The following ZBTB20 variants were observed in gnomAD, a reference collection of about 807,000 sequenced individuals.
The protein encoded by ZBTB20 is zinc finger and BTB domain-containing protein 20.
A neutral mutation model predicts 56.9 loss-of-function variants in ZBTB20; 9 were observed. The observed-to-expected ratio is 0.16, with a 90% confidence interval of 0.10 to 0.28. The LOEUF is 0.28. ZBTB20 is among the 10% of genes least tolerant of loss of function. ZBTB20 has a pLI of 1.00. For synonymous variants in ZBTB20, 417 were observed against 420.7 expected, an observed-to-expected ratio of 0.99 and a Z score of 0.11; for missense variants, 655 against 1,003.0, an observed-to-expected ratio of 0.65 and a Z score of 4.69.
chr3:114,389,630 C>T (rs1375122280), intron 7 of ZBTB20, among the ~76,000 whole-genome samples: 1 of 151,954 alleles, frequency 6.6e-6, no homozygotes, highest in African/African-American at 2.4e-5. Context: ...TGGCTCACAC[C>T]TGTAATCCCA....
intron 6 of ZBTB20, among the ~76,000 whole-genome samples, chr3:114,555,880 C>T (rs1317520843): frequency 6.6e-6 from 1 of 152,106 alleles, no homozygotes; most frequent in Non-Finnish European, 1.5e-5. Context: ...TTGTCCCAAA[C>T]ATGTGAGTAC....
At chr3:114,378,156 A>T (rs1234929960) in intron 10 of ZBTB20, among the ~76,000 whole-genome samples, 1 of 152,198 alleles carries the variant, frequency 6.6e-6, no homozygotes, top group African/African-American at 2.4e-5. Context: ...AACAGCTTAA[A>T]ATAAACCTTT....
intron 6 of ZBTB20, among the ~76,000 whole-genome samples, chr3:114,542,203 T>C (rs1416964827): frequency 6.6e-6 from 1 of 152,094 alleles, no homozygotes; most frequent in Non-Finnish European, 1.5e-5. Flanking sequence ...TGAAGGCAGG[T>C]GAGTTAAATG....
rs200761427 is a variant in ZBTB20 at position 114,351,839 on chromosome 3, C to T, written c.239G>A (p.Ser80Asn). Residue 80 changes from serine to asparagine, a missense_variant, in exon 11 of 12, where the codon AGC (serine) becomes AAC (asparagine). This residue lies in a region of ZBTB20 where 57 missense variants were observed against 99.1 expected (regional missense o/e 0.58). Coordinates refer to ENST00000675478, the MANE Select transcript of ZBTB20 (RefSeq NM_001348800.3). ...SCKGMTERIHSINLHNFSNSV... is the reference protein window; with the variant it reads ...SCKGMTERIHNINLHNFSNSV... ...ATTGCTGAAGTTGTGAAGGTTGATGCTGTGAATGCGCTCGGTCATCCCCTT... is the reference window on the plus strand; with the variant it reads ...ATTGCTGAAGTTGTGAAGGTTGATGTTGTGAATGCGCTCGGTCATCCCCTT... 20 of 1,601,994 alleles carry T rather than the reference C, an allele frequency of 1.2e-5. No individual in the cohort carries two copies. In the African/African-American group the frequency reaches 2.4e-4, roughly 19 times the overall value.
chr3:114,804,749 C>T (rs961266021), intron 4 of ZBTB20, among the ~76,000 whole-genome samples: 7 of 151,838 alleles, frequency 4.6e-5, no homozygotes, highest in Admixed American at 6.6e-5. Context: ...CTTTCACCTA[C>T]TTTTTCTTCC....
chr3:114,367,138 C>G (rs2030439), intron 10 of ZBTB20: 2 of 152,158 alleles, frequency 1.3e-5, no homozygotes, highest in Non-Finnish European at 2.9e-5. Flanking sequence ...GAAGGAGCTA[C>G]GGTGAAAGGG....
chr3:115,133,318 TC>T (rs1560597563), intron 1 of ZBTB20, among the ~76,000 whole-genome samples: 1 of 152,234 alleles, frequency 6.6e-6, no homozygotes, highest in African/African-American at 2.4e-5. Context: ...TCCAGTTTTT[TC>T]TTCTTTTTCA....
chr3:114,734,114 C>G (rs1007890322), intron 5 of ZBTB20, among the ~76,000 whole-genome samples: 3 of 151,866 alleles, frequency 2.0e-5, no homozygotes, highest in Non-Finnish European at 2.9e-5. Flanking sequence ...TCAAACTATG[C>G]TTCATGGTCC....
At chr3:114,840,741 C>CA (rs748830565) in intron 4 of ZBTB20, among the ~76,000 whole-genome samples, 54 of 151,012 alleles carry the variant, frequency 3.6e-4, no homozygotes, top group African/African-American at 9.7e-4. Flanking sequence ...TTAAAACAGA[C>CA]AAAAAAAAGT....
intron 5 of ZBTB20, among the ~76,000 whole-genome samples, chr3:114,745,298 GT>G (rs1204574862): frequency 3.9e-5 from 6 of 152,084 alleles, no homozygotes; most frequent in African/African-American, 1.2e-4. Flanking sequence ...CAATTTTCTT[GT>G]TGTTATTTTC....
chr3:114,894,619 G>A (rs2074792774), intron 4 of ZBTB20, among the ~76,000 whole-genome samples: 1 of 152,118 alleles, frequency 6.6e-6, no homozygotes, highest in Admixed American at 6.5e-5. Context: ...AGAGAAATCT[G>A]GGGACAGAGA....
At chr3:114,813,464 A>C (rs763265443) in intron 4 of ZBTB20, among the ~76,000 whole-genome samples, 13 of 152,218 alleles carry the variant, frequency 8.5e-5, no homozygotes, top group Non-Finnish European at 1.6e-4. Context: ...ACAATAAAAA[A>C]AATAGGCTAG....
At chr3:114,636,443 C>T (rs1411183138) in intron 6 of ZBTB20, among the ~76,000 whole-genome samples, 1 of 151,886 alleles carries the variant, frequency 6.6e-6, no homozygotes, top group Non-Finnish European at 1.5e-5. Flanking sequence ...CTGGTATAAA[C>T]ATTAAAAGAC....
intron 3 of ZBTB20, among the ~76,000 whole-genome samples, chr3:114,910,059 T>C (rs1366559888): frequency 6.6e-6 from 1 of 151,676 alleles, no homozygotes; most frequent in Non-Finnish European, 1.5e-5. Flanking sequence ...AAAAAGAAGA[T>C]AGAAATAAAA....
At chr3:114,382,898 A>G (rs1201907971) in intron 8 of ZBTB20, among the ~76,000 whole-genome samples, 3 of 152,212 alleles carry the variant, frequency 2.0e-5, no homozygotes, top group African/African-American at 7.2e-5. Context: ...ATGTGCCAAC[A>G]TGGGCTAAAG....
chr3:114,745,291 T>A (rs1191615145), intron 5 of ZBTB20, among the ~76,000 whole-genome samples: 1 of 152,126 alleles, frequency 6.6e-6, no homozygotes, highest in African/African-American at 2.4e-5. Flanking sequence ...CTGCCCTCAA[T>A]TTTCTTGTTG....
intron 6 of ZBTB20, among the ~76,000 whole-genome samples, chr3:114,683,059 T>G (rs73857639): frequency 6.6e-6 from 1 of 152,190 alleles, no homozygotes; most frequent in African/African-American, 2.4e-5. Context: ...GAGAGAAATA[T>G]AGCTAACATG....
At chr3:114,709,818 A>G (rs1313634624) in intron 5 of ZBTB20, among the ~76,000 whole-genome samples, 2 of 152,164 alleles carry the variant, frequency 1.3e-5, no homozygotes, top group South Asian at 2.1e-4. Context: ...CTTCACAAAC[A>G]TATACACTCT....
chr3:114,457,826 T>C (rs1366728788), intron 7 of ZBTB20, among the ~76,000 whole-genome samples: 2 of 152,168 alleles, frequency 1.3e-5, no homozygotes, highest in African/African-American at 4.8e-5. Context: ...GGGAATTAAA[T>C]CCAGCCAATC....
Sources: gnomAD v4.1 joint callset for allele counts (sites outside exome capture counted in the v4.1 genomes callset) on GRCh38, gnomAD v4.1.1 for gene constraint, gnomAD v4.1.1 regional missense constraint, MANE v1.5 for transcripts, NCBI Gene and HGNC (gene_info 2026-07-23, HGNC 2026-07-21) for gene names.